The following DEPDC5 variants were observed in gnomAD, a reference collection of about 807,000 sequenced individuals.
DEPDC5 encodes the protein DEP domain containing 5, GATOR1 subcomplex subunit.
In DEPDC5, 73 loss-of-function variants were observed where a neutral mutation model predicts 217.3. The observed-to-expected ratio is 0.34, with a 90% CI of 0.28 to 0.41. The LOEUF is 0.41. Ranked by LOEUF, DEPDC5 falls within the 10% of genes least tolerant of loss-of-function variation. DEPDC5 has a pLI of 1.00. For missense variants in DEPDC5, 1,675 were observed against 2,070.1 expected (o/e 0.81, Z 3.70); for synonymous variants, 733 against 756.7 (o/e 0.97, Z 0.51).
At chr22:31,891,414 C>G (rs760263566) in intron 38 of DEPDC5, 2 of 285,614 alleles carry the variant, frequency 7.0e-6, no homozygotes, top group Non-Finnish European at 1.3e-5. Flanking sequence ...TTTGGTTAAT[C>G]TCTGCTCTCA....
At chr22:31,814,901 T>A in intron 20 of DEPDC5, 91 bp from the exon 21 acceptor site, 1 of 1,420,134 alleles carries the variant, frequency 7.0e-7, no homozygotes, top group Non-Finnish European at 9.8e-7. Flanking sequence ...TTGGGTTCCA[T>A]GTGGCTTGGG....
chr22:31,841,742 G>A (rs2091405495), intron 27 of DEPDC5, among the ~76,000 whole-genome samples: 2 of 152,212 alleles, frequency 1.3e-5, no homozygotes, highest in South Asian at 4.1e-4. Flanking sequence ...CTGCCTCACA[G>A]AAAAAGCGGA....
intron 41 of DEPDC5, among the ~76,000 whole-genome samples, chr22:31,902,408 T>TTATATATATATATATATATATATATATA (rs66813737): frequency 2.1e-4 from 24 of 111,910 alleles, no homozygotes; most frequent in Admixed American, 5.2e-4. Context: ...CATCTCCTTA[T>TTATATATATATATATATATATATATATA]TATATATATA....
chr22:31,774,265 G>A (rs1165289368), intron 7 of DEPDC5, among the ~76,000 whole-genome samples: 6 of 148,908 alleles, frequency 4.0e-5, no homozygotes, highest in Admixed American at 2.7e-4. Context: ...GCAGTGGCGT[G>A]ATCTTGGCTC....
chr22:31,881,807 G>A (rs1254328946), intron 38 of DEPDC5, among the ~76,000 whole-genome samples: 1 of 151,982 alleles, frequency 6.6e-6, no homozygotes, highest in Non-Finnish European at 1.5e-5. Flanking sequence ...TTACCTGGGT[G>A]TGGTGGCGGG....
intron 33 of DEPDC5, among the ~76,000 whole-genome samples, chr22:31,867,161 C>G (rs2092712054): frequency 6.6e-6 from 1 of 152,192 alleles, no homozygotes; most frequent in African/African-American, 2.4e-5. Flanking sequence ...CTGCCATTCT[C>G]TCCATCCTAC....
intron 37 of DEPDC5, among the ~76,000 whole-genome samples, chr22:31,877,795 A>C (rs1602657841): frequency 6.7e-6 from 1 of 150,076 alleles, no homozygotes; most frequent in Non-Finnish European, 1.5e-5. Context: ...AGAAAACCAG[A>C]CCAGCATCTC....
chr22:31,888,700 C>G (rs568700799), intron 38 of DEPDC5, among the ~76,000 whole-genome samples: 1 of 152,258 alleles, frequency 6.6e-6, no homozygotes, highest in East Asian at 1.9e-4. Flanking sequence ...CGGGCATGTG[C>G]CAGCATGCCT....
At chr22:31,871,078 G>T (rs529386595) in intron 34 of DEPDC5, among the ~76,000 whole-genome samples, 1 of 152,320 alleles carries the variant, frequency 6.6e-6, no homozygotes, top group Non-Finnish European at 1.5e-5. Context: ...GTCATAGCAT[G>T]CTGTCAGTAA....
rs1438675694 is a variant in DEPDC5 at position 31,846,523 on chromosome 22, GA to G, written c.3022-310del. On this transcript the variant is annotated intron_variant, in intron 30 of 42. Coordinates refer to ENST00000651528, the MANE Select transcript of DEPDC5 (RefSeq NM_001242896.3). ...GGATTCCAGCTCCAGTAGGATGTGG[GA>G]TAAGTTCCTTAACCTCTCTGAGCTT... is the stretch of plus-strand genomic sequence containing the variant. Among the ~76,000 whole-genome samples, 42 of 152,316 alleles carry G rather than the reference GA, an allele frequency of 2.8e-4. 1 individual carries two copies. In the South Asian group the frequency reaches 3.9e-3, roughly 14 times the overall value.
intron 31 of DEPDC5, among the ~76,000 whole-genome samples, chr22:31,856,152 C>CGA (rs1491177587): frequency 5.1e-5 from 5 of 97,228 alleles, no homozygotes; most frequent in Non-Finnish European, 7.9e-5. Flanking sequence ...GTTGGGCCAA[C>CGA]GCGCACACAC....
rs940651237 is a variant in DEPDC5 at position 31,900,745 on chromosome 22, GA to G, written c.4376-987del. Among the ~76,000 whole-genome samples, 35 of 143,904 alleles carry G rather than the reference GA, an allele frequency of 2.4e-4. 2 individuals are homozygous for G. Among genetic ancestry groups the G allele is most frequent in the East Asian group, 6.2e-4 (3 of 4,876 alleles). The allele number at this position is 143,904 out of a possible 152,430, so 94.4% of individuals were successfully genotyped here. ...CAAGAGCAAAACTTCCTCTCAAAAA[GA>G]AAAAAAAAAGTGGGGGTAGTAGTTG... is the stretch of plus-strand genomic sequence containing the variant. On this transcript the variant is annotated intron_variant, in intron 40 of 42. Transcript: ENST00000651528.
intron 34 of DEPDC5, 168 bp from the exon 35 acceptor site, chr22:31,873,087 C>T: frequency 1.5e-6 from 2 of 1,359,706 alleles, no homozygotes; most frequent in Admixed American, 2.2e-5. Flanking sequence ...AGGAAACCCC[C>T]TATGAGATAA....
chr22:31,837,930 TG>T (rs1479897174), intron 26 of DEPDC5, among the ~76,000 whole-genome samples: 1 of 151,934 alleles, frequency 6.6e-6, no homozygotes, highest in African/African-American at 2.4e-5. Context: ...CTCGAACTCA[TG>T]ACCTCAGGTG....
At chr22:31,776,610 C>G (rs960230595) in intron 7 of DEPDC5, among the ~76,000 whole-genome samples, 44 of 116,372 alleles carry the variant, frequency 3.8e-4, no homozygotes, top group Non-Finnish European at 6.6e-4. Context: ...GAGTTGTGCT[C>G]TTGTTGCCCA....
intron 33 of DEPDC5, 125 bp downstream of exon 33, chr22:31,861,558 T>A: frequency 1.0e-6 from 1 of 1,002,274 alleles, no homozygotes; most frequent in Non-Finnish European, 1.5e-6. Flanking sequence ...TGAACTTGAA[T>A]TTGGTCTCAG....
chr22:31,838,754 G>T lies in DEPDC5; in HGVS notation c.2424G>T (p.Met808Ile). 1 of 1,614,148 alleles carries T rather than the reference G, an allele frequency of 6.2e-7. No individual in the cohort carries two copies. Among genetic ancestry groups the T allele is most frequent in the Non-Finnish European group, 8.5e-7 (1 of 1,180,022 alleles). The change falls in exon 27 of 43, where the codon ATG becomes ATT. Residue 808 changes from methionine (M) to isoleucine (I), a missense_variant. Transcript: ENST00000651528. ...AAGAGTTTATTTGCCAACGTCTCAT[G>T]CAGGGCTACCAAATCATAGTGCAGC... ...VFEEFICQRL[M>I]QGYQIIVQPK...
At chr22:31,757,904 CA>C (rs1378711525) in intron 2 of DEPDC5, among the ~76,000 whole-genome samples, 1 of 152,136 alleles carries the variant, frequency 6.6e-6, no homozygotes, top group Non-Finnish European at 1.5e-5. Flanking sequence ...GCTGGGATTA[CA>C]GGCTCCCACC....
intron 22 of DEPDC5, among the ~76,000 whole-genome samples, chr22:31,821,301 T>C (rs1446650834): frequency 6.6e-6 from 1 of 152,204 alleles, no homozygotes; most frequent in Non-Finnish European, 1.5e-5. Flanking sequence ...TTAGACAGGA[T>C]GATAAAGGTG....
Sources: gnomAD v4.1 joint callset for allele counts (sites outside exome capture counted in the v4.1 genomes callset) on GRCh38, gnomAD v4.1.1 for gene constraint, MANE v1.5 for transcripts, NCBI Gene and HGNC (gene_info 2026-07-23, HGNC 2026-07-21) for gene names.